ETV5: variants seen among roughly 807,000 people sequenced by gnomAD.
ETV5 encodes ETS translocation variant 5.
ETV5 carries 10 observed loss-of-function variants against 70.0 expected under a neutral mutation model. The observed-to-expected ratio is 0.14, with a 90% confidence interval of 0.09 to 0.24. The LOEUF is 0.24. Ranked by LOEUF, ETV5 falls within the 10% of genes least tolerant of loss-of-function variation. The probability of loss-of-function intolerance (pLI) is 1.00; values close to 1 mark genes in which losing one functional copy is unlikely to be tolerated. For missense variants in ETV5, 453 were observed against 651.2 expected, an observed-to-expected ratio of 0.70 and a Z score of 3.31; for synonymous variants, 216 against 242.2, an observed-to-expected ratio of 0.89 and a Z score of 1.01.
intron 8 of ETV5, among the ~76,000 whole-genome samples, chr3:186,065,046 G>C (rs542715433): frequency 1.3e-5 from 2 of 152,260 alleles, no homozygotes; most frequent in East Asian, 3.9e-4. Context: ...CCATGCTGGG[G>C]CTGTCATACT....
At position 186,080,022 on chromosome 3, in the gene ETV5, G is replaced by C. The variant is rs78506201; in HGVS notation, c.445C>G (p.Leu149Val). The stretch of plus-strand genomic sequence containing the variant: ...AGAGTTGCCTGAGGTGGGGGAAATA[G>C]GGGATTCTGATGGGTGGGTGAGAGG... ...TPLSPTHQNP[L>V]FPPPQATLPT... The change falls in exon 7 of 13, where the codon CTA becomes GTA. Residue 149 changes from leucine to valine, a missense_variant. Leu to Val is a conservative substitution (Grantham distance 32). This residue lies in a region of ETV5 where 307 missense variants were observed against 344.9 expected (regional missense o/e 0.89). Coordinates refer to ENST00000306376, the MANE Select transcript of ETV5 (RefSeq NM_004454.3). 2.2e-3 allele frequency: 3,380 copies of C among 1,547,248 alleles called. 75 individuals carry two copies. In the African/African-American group the frequency reaches 0.043, roughly 19 times the overall value.
At chr3:186,098,857 T>G (rs539568103) in intron 5 of ETV5, among the ~76,000 whole-genome samples, 2 of 152,338 alleles carry the variant, frequency 1.3e-5, no homozygotes, top group East Asian at 3.9e-4. Context: ...TTCTTCTCAC[T>G]GCCTGCCCTC....
chr3:186,052,230 T>A lies in ETV5; in HGVS notation c.1210-99A>T. The stretch of plus-strand genomic sequence containing the variant: ...AGCCAGTTCTGTAACCTGACTGCTT[T>A]GGTCAATGATCTGCTACTCTGACCT... On this transcript the variant is annotated intron_variant, in intron 11 of 12. Transcript: ENST00000306376. This position sits in a 1 kb window ranked among gnomAD's most constrained non-coding sequence, Gnocchi z 4.5. 9.1e-7 allele frequency: 1 copy of A among 1,100,418 alleles called. No individual in the cohort carries two copies. The highest frequency in any genetic ancestry group is 1.4e-6 in the Non-Finnish European group (1 of 730,832). 68.2% of individuals were successfully genotyped at this position (1,100,418 alleles called of 1,614,324 possible).
rs1713205281 is a variant in ETV5 at position 186,057,871 on chromosome 3, T to C, written c.971-380A>G. On this transcript the variant is annotated intron_variant, in intron 9 of 12. Coordinates refer to ENST00000306376, the MANE Select transcript of ETV5 (RefSeq NM_004454.3). The surrounding 1 kb of genome is among the most constrained non-coding windows in gnomAD (Gnocchi z 4.9). ...TAGCTGGATGGATTTGGTTGATCTG[T>C]ACACAGACCTGCCATTTTCCTTTTA... is the stretch of plus-strand genomic sequence containing the variant. Among the ~76,000 whole-genome samples the C allele has an allele frequency of 6.6e-6, 1 of 152,210 alleles. No individual in the cohort carries two copies. Among genetic ancestry groups the C allele is most frequent in the South Asian group, 2.1e-4 (1 of 4,828 alleles).
intron 9 of ETV5, among the ~76,000 whole-genome samples, chr3:186,060,795 C>T (rs1184126557): frequency 6.6e-6 from 1 of 152,308 alleles, no homozygotes; most frequent in African/African-American, 2.4e-5. Flanking sequence ...GTGTAGTAAG[C>T]AACCCAATGC....
intron 5 of ETV5, among the ~76,000 whole-genome samples, chr3:186,103,831 C>T (rs1166539889): frequency 3.9e-5 from 6 of 152,204 alleles, no homozygotes; most frequent in Non-Finnish European, 7.4e-5. Flanking sequence ...CAGTTTATTC[C>T]CTTTTACAGT....
At chr3:186,077,525 T>C (rs1713825830) in intron 7 of ETV5, among the ~76,000 whole-genome samples, 1 of 152,184 alleles carries the variant, frequency 6.6e-6, no homozygotes, top group African/African-American at 2.4e-5. Context: ...ACCATATTAA[T>C]AGACAAAGGC....
At chr3:186,085,670 G>A (rs374448794) in intron 5 of ETV5, among the ~76,000 whole-genome samples, 21 of 151,820 alleles carry the variant, frequency 1.4e-4, no homozygotes, top group African/African-American at 2.7e-4. Context: ...CACCACTCCC[G>A]GCTAATTTTT....
chr3:186,063,951 T>C (rs1020904996), intron 9 of ETV5, among the ~76,000 whole-genome samples: 42 of 152,270 alleles, frequency 2.8e-4, no homozygotes, highest in African/African-American at 1.0e-3. Flanking sequence ...CTCTAAGACA[T>C]CCTTGGACCC....
At chr3:186,091,800 T>A (rs1048402928) in intron 5 of ETV5, among the ~76,000 whole-genome samples, 2 of 152,214 alleles carry the variant, frequency 1.3e-5, no homozygotes, top group African/African-American at 2.4e-5. Context: ...TAGGGTTACA[T>A]TGGTATAGGA....
chr3:186,063,345 C>T (rs1713356339), intron 9 of ETV5, among the ~76,000 whole-genome samples: 1 of 152,216 alleles, frequency 6.6e-6, no homozygotes, highest in Admixed American at 6.5e-5. Flanking sequence ...CCATTCTGAC[C>T]ACTTCCTTGA....
Position 186,079,840 on chromosome 3 carries a change from T to G in ETV5, c.627A>C (p.Glu209Asp). 6.2e-7 allele frequency: 1 copy of G among 1,609,412 alleles called. No individual in the cohort carries two copies. Among genetic ancestry groups the G allele is most frequent in the Non-Finnish European group, 8.5e-7 (1 of 1,178,076 alleles). The change falls in exon 7 of 13, where the codon GAA becomes GAC. Residue 209 changes from glutamate to aspartate, a missense_variant. Glu to Asp is a conservative substitution (Grantham distance 45). Around this residue, in one of 4 missense-constraint regions of ETV5, gnomAD observed 307 missense variants for 344.9 expected, o/e 0.89. Transcript: ENST00000306376. ...ACCTCTGTTCTGATGGATACTGGTT[T>G]TCAGGCATCATCTTTGGCATCTGCA... ...QPLQMPKMMP[E>D]NQYPSEQRFQ...
At chr3:186,055,453 G>GA (rs982389495) in intron 11 of ETV5, among the ~76,000 whole-genome samples, 1 of 152,068 alleles carries the variant, frequency 6.6e-6, no homozygotes, top group African/African-American at 2.4e-5. Flanking sequence ...TACATGGCCA[G>GA]AAAAAAACAC....
chr3:186,079,484 T>C (rs1713877851), intron 7 of ETV5: 1 of 290,386 alleles, frequency 3.4e-6, no homozygotes. Context: ...CAGCATCCAA[T>C]GAGGAGTCAG....
chr3:186,095,532 G>C (rs1317428937), intron 5 of ETV5, among the ~76,000 whole-genome samples: 1 of 152,188 alleles, frequency 6.6e-6, no homozygotes, highest in African/African-American at 2.4e-5. Context: ...CTAGGGAAAT[G>C]AGTTTCTTCC....
At chr3:186,083,461 T>C (rs1406379475) in intron 5 of ETV5, among the ~76,000 whole-genome samples, 1 of 152,214 alleles carries the variant, frequency 6.6e-6, no homozygotes, top group Non-Finnish European at 1.5e-5. Context: ...CCAATTTTGC[T>C]GACAAGTCTA....
chr3:186,072,737 T>A (rs1330534653), intron 7 of ETV5, among the ~76,000 whole-genome samples: 2 of 152,238 alleles, frequency 1.3e-5, no homozygotes, highest in African/African-American at 4.8e-5. Context: ...TAGGCCTACC[T>A]GTTTGTCTGA....
At chr3:186,060,877 C>A (rs1205926176) in intron 9 of ETV5, among the ~76,000 whole-genome samples, 1 of 152,192 alleles carries the variant, frequency 6.6e-6, no homozygotes, top group Non-Finnish European at 1.5e-5. Flanking sequence ...GTTTTCCTCC[C>A]TCTCTTCCCC....
intron 7 of ETV5, among the ~76,000 whole-genome samples, chr3:186,067,996 T>C (rs1340777996): frequency 6.6e-6 from 1 of 152,224 alleles, no homozygotes; most frequent in Non-Finnish European, 1.5e-5. Context: ...AGAATAGGAA[T>C]GGTCATAAAC....
Sources: gnomAD v4.1 joint callset for allele counts (sites outside exome capture counted in the v4.1 genomes callset) on GRCh38, gnomAD v4.1.1 for gene constraint, gnomAD v4.1.1 regional missense constraint, Gnocchi (gnomAD v3.1) non-coding constraint, MANE v1.5 for transcripts, NCBI Gene and HGNC (gene_info 2026-07-23, HGNC 2026-07-21) for gene names.